CRADD: variants seen among roughly 807,000 people sequenced by gnomAD.
CRADD encodes the protein CARD and death domain containing adaptor protein.
CRADD carries 9 observed loss-of-function variants against 15.5 expected under a neutral mutation model. The observed-to-expected ratio is 0.58, with a 90% CI of 0.35 to 1.01. The LOEUF is 1.01. Ranked by LOEUF, CRADD falls within the 50% of genes least tolerant of loss-of-function variation. CRADD has a pLI of 0.02. For synonymous variants in CRADD, 118 were observed against 107.6 expected, an observed-to-expected ratio of 1.10 and a Z score of -0.60; for missense variants, 227 against 250.3, an observed-to-expected ratio of 0.91 and a Z score of 0.63.
intron 2 of CRADD, among the ~76,000 whole-genome samples, chr12:93,739,079 C>T (rs1292561837): frequency 6.6e-6 from 1 of 152,012 alleles, no homozygotes; most frequent in Non-Finnish European, 1.5e-5. Context: ...CAGCAAAATA[C>T]ACAGGTATCT....
Position 93,886,162 on chromosome 12 carries a change from C to CTTTTTTTTTT in CRADD, c.299-7877_299-7868dup, listed in dbSNP as rs761719331. On this transcript the variant is annotated intron_variant, in intron 2 of 2. Transcript: ENST00000548483. The stretch of plus-strand genomic sequence containing the variant: ...ATGGACATGCCTCTAGCTGCTGATG[C>CTTTTTTTTTT]TTTTTTTTTTTTTTTTTTTTGAGAC... Among the ~76,000 whole-genome samples the CTTTTTTTTTT allele has an allele frequency of 2.4e-5, 3 of 123,948 alleles. 1 individual carries two copies. Among genetic ancestry groups the CTTTTTTTTTT allele is most frequent in the Non-Finnish European group, 1.7e-5 (1 of 59,870 alleles). The allele number at this position is 123,948 out of a possible 152,430, so 81.3% of individuals were successfully genotyped here. A position where few individuals can be genotyped will look rare whatever the true frequency, so the allele number is the denominator to read the frequency against.
Position 93,850,730 on chromosome 12 carries a change from TATATA to T in CRADD, c.*462_*466del. On this transcript the variant is annotated 3_prime_UTR_variant, in exon 3 of 3. Coordinates refer to ENST00000332896, the MANE Select transcript of CRADD (RefSeq NM_003805.5). This position sits in a 1 kb window ranked among gnomAD's most constrained non-coding sequence, Gnocchi z 4.0. The stretch of plus-strand genomic sequence containing the variant: ...TAAAATAATAAAATGCGAATTACTA[TATATA>T]ATGTGCCTCACTCATGAGAAAGTAC... 1.0e-6 allele frequency: 1 copy of T among 984,802 alleles called. No homozygotes were observed. Among genetic ancestry groups the T allele is most frequent in the South Asian group, 4.7e-5 (1 of 21,288 alleles). The allele number at this position is 984,802 out of a possible 1,614,324, so 61.0% of individuals were successfully genotyped here.
intron 2 of CRADD, among the ~76,000 whole-genome samples, chr12:93,834,034 C>A (rs1360161297): frequency 1.3e-5 from 2 of 152,186 alleles, no homozygotes; most frequent in Non-Finnish European, 2.9e-5. Context: ...TTTCTTCTAT[C>A]ACCTTGGTGA....
chr12:93,699,230 A>T (rs545819600), intron 2 of CRADD, among the ~76,000 whole-genome samples: 81 of 152,314 alleles, frequency 5.3e-4, no homozygotes, highest in African/African-American at 1.9e-3. Context: ...CTATGAATAT[A>T]TATCATTATC....
intron 2 of CRADD, among the ~76,000 whole-genome samples, chr12:93,773,232 T>C (rs5020313): frequency 0.4 from 60,828 of 152,098 alleles, 13,358 homozygotes; most frequent in East Asian, 0.8. Context: ...TAGGTTATGA[T>C]GTGGTTTGAC....
intron 2 of CRADD, among the ~76,000 whole-genome samples, chr12:93,782,214 C>T: frequency 6.6e-6 from 1 of 152,062 alleles, no homozygotes; most frequent in East Asian, 1.9e-4. Context: ...AAACTGGAAA[C>T]CAGCATTCTC....
At chr12:93,885,016 G>A (rs1054288106) in intron 2 of CRADD, among the ~76,000 whole-genome samples, 4 of 152,150 alleles carry the variant, frequency 2.6e-5, no homozygotes, top group African/African-American at 9.7e-5. Flanking sequence ...TGGGTTGGGG[G>A]CAGGGGTGCT....
chr12:93,713,064 G>T (rs1030261801), intron 2 of CRADD, among the ~76,000 whole-genome samples: 1 of 150,278 alleles, frequency 6.7e-6, no homozygotes, highest in South Asian at 2.1e-4. Context: ...TTTGAAGATC[G>T]TTTTTTTTTA....
chr12:93,839,473 C>T (rs536181441), intron 2 of CRADD, among the ~76,000 whole-genome samples: 97 of 152,286 alleles, frequency 6.4e-4, no homozygotes, highest in African/African-American at 2.2e-3. Flanking sequence ...TTCTTGGGTA[C>T]GTCTAACAGA....
chr12:93,868,527 T>C (rs1170126310), intron 2 of CRADD, among the ~76,000 whole-genome samples: 4 of 152,204 alleles, frequency 2.6e-5, no homozygotes, highest in Admixed American at 2.6e-4. Context: ...GTTGTTCAAC[T>C]TTACCAAAAT....
chr12:93,819,139 C>T (rs879393140), intron 2 of CRADD, among the ~76,000 whole-genome samples: 4 of 152,244 alleles, frequency 2.6e-5, no homozygotes, highest in Admixed American at 6.5e-5. Flanking sequence ...CTACTTGGCC[C>T]GCCCTGTCCG....
At chr12:93,771,474 T>C (rs572683176) in intron 2 of CRADD, among the ~76,000 whole-genome samples, 2 of 152,366 alleles carry the variant, frequency 1.3e-5, no homozygotes, top group East Asian at 3.9e-4. Context: ...TACTTAATAA[T>C]TGCTCTTTCT....
At chr12:93,816,224 A>T (rs1957694880) in intron 2 of CRADD, 1 of 151,970 alleles carries the variant, frequency 6.6e-6, no homozygotes, top group Admixed American at 6.6e-5. Flanking sequence ...TTACTTATTT[A>T]CTTATTTTTT....
At chr12:93,883,286 G>A (rs1392227786) in intron 2 of CRADD, among the ~76,000 whole-genome samples, 1 of 152,188 alleles carries the variant, frequency 6.6e-6, no homozygotes, top group African/African-American at 2.4e-5. Flanking sequence ...AACCTGTAGT[G>A]TCTATAAAAT....
In CRADD at chr12:93,693,922, A is replaced by G. The variant is rs1028185231; in HGVS notation, c.298+14850A>G. Among the ~76,000 whole-genome samples the G allele has an allele frequency of 2.0e-5, 3 of 152,084 alleles. No homozygotes were observed. The South Asian group carries it at 6.2e-4, about 31-fold the overall frequency. On this transcript the variant is annotated intron_variant, in intron 2 of 2. Coordinates refer to ENST00000332896, the MANE Select transcript of CRADD (RefSeq NM_003805.5). ...CCAAACATTCAAAGAACAAATACCA[A>G]TCTTTCTCAAACTCTTCTACAAAAT...
chr12:93,749,291 TC>T (rs1292340822), intron 2 of CRADD, among the ~76,000 whole-genome samples: 2 of 152,296 alleles, frequency 1.3e-5, no homozygotes, highest in African/African-American at 4.8e-5. Context: ...CTTGGTGTGT[TC>T]TGGGACCTGC....
intron 2 of CRADD, among the ~76,000 whole-genome samples, chr12:93,787,029 G>C (rs573405717): frequency 1.3e-5 from 2 of 151,874 alleles, no homozygotes. Flanking sequence ...CACTTTGAGA[G>C]GTTATACATA....
At chr12:93,829,522 C>G (rs539715612) in intron 2 of CRADD, among the ~76,000 whole-genome samples, 17 of 152,264 alleles carry the variant, frequency 1.1e-4, no homozygotes, top group African/African-American at 3.9e-4. Context: ...TGAAACCTCT[C>G]AATTTTTAAA....
chr12:93,756,984 A>G (rs530596864), intron 2 of CRADD, among the ~76,000 whole-genome samples: 5 of 152,318 alleles, frequency 3.3e-5, no homozygotes, highest in South Asian at 2.1e-4. Flanking sequence ...TTGCCAGTCT[A>G]TTTGTTCACT....
Sources: allele counts gnomAD v4.1 joint callset (sites outside exome capture counted in the v4.1 genomes callset), GRCh38; gene constraint gnomAD v4.1.1; non-coding constraint Gnocchi (gnomAD v3.1); transcripts MANE v1.5; gene names NCBI Gene and HGNC (gene_info 2026-07-23, HGNC 2026-07-21).